UHRF1: variants seen among roughly 807,000 people sequenced by gnomAD.
UHRF1 encodes the protein E3 ubiquitin-protein ligase UHRF1.
In UHRF1, 9 loss-of-function variants were observed where a neutral mutation model predicts 96.5. That is an observed-to-expected ratio of 0.09 (90% CI 0.06 to 0.16). The LOEUF (loss-of-function observed/expected upper bound fraction) is 0.16, where lower values mean the gene tolerates loss of function less well. UHRF1 is among the 10% of genes least tolerant of loss of function. The probability of loss-of-function intolerance (pLI) is 1.00; values close to 1 mark genes in which losing one functional copy is unlikely to be tolerated. For missense variants in UHRF1, 626 were observed against 1,131.1 expected, an observed-to-expected ratio of 0.55 and a Z score of 6.40; for synonymous variants, 455 against 469.9, an observed-to-expected ratio of 0.97 and a Z score of 0.41.
chr19:4,935,119 G>C (rs925475327), intron 5 of UHRF1, among the ~76,000 whole-genome samples: 2 of 151,914 alleles, frequency 1.3e-5, no homozygotes, highest in African/African-American at 4.8e-5. Flanking sequence ...GACTATAGGT[G>C]CCCACCACCA....
chr19:4,954,999 A>G lies in UHRF1; in HGVS notation c.2130+177A>G, dbSNP rs1164451086. The stretch of plus-strand genomic sequence containing the variant: ...CTCCAGAACTTTATCCTCTCCCCAG[A>G]CTGAAACCCTGGCCCTGAAACTGTC... On this transcript the variant is annotated intron_variant, in intron 15 of 16. Coordinates refer to ENST00000650932, the MANE Select transcript of UHRF1 (RefSeq NM_001048201.3). This position sits in a 1 kb window ranked among gnomAD's most constrained non-coding sequence, Gnocchi z 5.9. Among the ~76,000 whole-genome samples the G allele has an allele frequency of 1.3e-5, 2 of 151,848 alleles. No homozygotes were observed. Among genetic ancestry groups the G allele is most frequent in the Non-Finnish European group, 1.5e-5 (1 of 67,950 alleles).
In UHRF1 at chr19:4,936,820, T is replaced by C. The variant is rs554100052; in HGVS notation, c.785+3864T>C. 3.9e-3 allele frequency among the ~76,000 whole-genome samples: 571 copies of C among 145,066 alleles called. 5 individuals carry two copies. The highest frequency in any genetic ancestry group is 0.013 in the African/African-American group (494 of 39,036). On this transcript the variant is annotated intron_variant, in intron 5 of 16. Coordinates refer to ENST00000650932, the MANE Select transcript of UHRF1 (RefSeq NM_001048201.3). Reference sequence around the variant, plus strand: ...AGAGTCTGCAAAAAAAAAAAAAAAGTGAAAAGAAAAAAAAACAGGCTGTGT... The same window carrying C: ...AGAGTCTGCAAAAAAAAAAAAAAAGCGAAAAGAAAAAAAAACAGGCTGTGT...
chr19:4,953,072 C>T (rs2033760901), intron 13 of UHRF1, among the ~76,000 whole-genome samples: 1 of 152,150 alleles, frequency 6.6e-6, no homozygotes, highest in Non-Finnish European at 1.5e-5. Flanking sequence ...TGATGCTGAA[C>T]ACGTCACCCG....
rs576532745 is a variant in UHRF1, at chr19:4,932,891, C to T, written c.720C>T (p.Asp240=). ...DNPKERGFWY[D]AEISRKRETR... Reference sequence around the variant, plus strand: ...CCAAGGAGCGGGGCTTCTGGTACGACGCGGAGATCTCCAGGAAGCGCGAGA... The same window carrying T: ...CCAAGGAGCGGGGCTTCTGGTACGATGCGGAGATCTCCAGGAAGCGCGAGA... The change falls in exon 5 of 17, where the codon GAC becomes GAT. Residue 240 remains aspartate, a synonymous_variant. Coordinates refer to ENST00000650932, the MANE Select transcript of UHRF1 (RefSeq NM_001048201.3). The T allele has an allele frequency of 8.1e-5, 131 of 1,613,818 alleles. No individual in the cohort carries two copies. The highest frequency in any genetic ancestry group is 1.0e-4 in the Non-Finnish European group (120 of 1,179,886).
chr19:4,916,486 T>C (rs2032506254), intron 2 of UHRF1, among the ~76,000 whole-genome samples: 1 of 151,998 alleles, frequency 6.6e-6, no homozygotes, highest in Admixed American at 6.5e-5. Flanking sequence ...GATCGTGGTG[T>C]CTTTGTGGCG....
intron 2 of UHRF1, among the ~76,000 whole-genome samples, chr19:4,921,673 C>CT (rs1306938382): frequency 6.6e-6 from 1 of 152,058 alleles, no homozygotes; most frequent in Non-Finnish European, 1.5e-5. Flanking sequence ...GGGAGGGTTG[C>CT]TTGAGCCCAG....
chr19:4,933,045 C>A, intron 5 of UHRF1, 89 bp downstream of exon 5: 1 of 1,407,052 alleles, frequency 7.1e-7, no homozygotes, highest in Non-Finnish European at 9.6e-7. Context: ...GTCCAGCCAG[C>A]GCTGTGTGTG....
intron 4 of UHRF1, among the ~76,000 whole-genome samples, 189 bp downstream of exon 4, chr19:4,931,065 GC>G (rs1037048241): frequency 1.3e-5 from 2 of 152,172 alleles, no homozygotes; most frequent in African/African-American, 4.8e-5. Context: ...GAAGCCGGCT[GC>G]CCCCTCCTGT....
upstream of UHRF1, among the ~76,000 whole-genome samples, chr19:4,906,403 A>G (rs35992600): frequency 0.1 from 15,781 of 152,182 alleles, 952 homozygotes; most frequent in Middle Eastern, 0.18. Flanking sequence ...CCTCTGTGAC[A>G]CTTAACTTCC....
intron 2 of UHRF1, among the ~76,000 whole-genome samples, chr19:4,928,441 A>G (rs2032941032): frequency 6.6e-6 from 1 of 152,110 alleles, no homozygotes; most frequent in South Asian, 2.1e-4. Context: ...CCCCAGATAC[A>G]GCTCAGGTGA....
At chr19:4,906,823 C>T (rs987320471), upstream of UHRF1, among the ~76,000 whole-genome samples, 5 of 152,148 alleles carry the variant, frequency 3.3e-5, no homozygotes, top group African/African-American at 7.2e-5. Context: ...TTCGCAACAG[C>T]GCTACAAACA....
intron 2 of UHRF1, among the ~76,000 whole-genome samples, chr19:4,921,227 G>T (rs1025082373): frequency 3.9e-5 from 6 of 152,082 alleles, no homozygotes; most frequent in Non-Finnish European, 5.9e-5. Flanking sequence ...ATCAACTGAG[G>T]TGGGGATTTC....
chr19:4,904,582 G>A (rs1349128561), upstream of UHRF1, among the ~76,000 whole-genome samples: 1 of 152,204 alleles, frequency 6.6e-6, no homozygotes, highest in Non-Finnish European at 1.5e-5. Flanking sequence ...CTCCCAAAGT[G>A]CTGGGATTAC....
intron 2 of UHRF1, among the ~76,000 whole-genome samples, chr19:4,914,961 C>T (rs184512214): frequency 2.1e-3 from 318 of 152,312 alleles, no homozygotes; most frequent in African/African-American, 7.1e-3. Flanking sequence ...TGTTTGGGGC[C>T]AGGTCATCCT....
intron 11 of UHRF1, among the ~76,000 whole-genome samples, chr19:4,948,553 C>G (rs1050948055): frequency 2.0e-5 from 3 of 152,070 alleles, no homozygotes; most frequent in African/African-American, 7.2e-5. Flanking sequence ...AATCCCAGCA[C>G]TTTGAGAGGC....
upstream of UHRF1, among the ~76,000 whole-genome samples, chr19:4,908,884 G>A (rs563275467): frequency 5.3e-5 from 8 of 152,266 alleles, no homozygotes; most frequent in East Asian, 9.7e-4. Flanking sequence ...TCCTGTGCCC[G>A]CCAGGACTGG....
At chr19:4,913,817 TTTTTTTTTTTTTG>T (rs1368433394) in intron 2 of UHRF1, among the ~76,000 whole-genome samples, 5 of 120,520 alleles carry the variant, frequency 4.1e-5, no homozygotes, top group Admixed American at 3.2e-4. Context: ...CTTTTTTTTT[TTTTTTTTTTTTTG>T]GAGACAGTTT....
At chr19:4,926,303 T>A (rs1350437273) in intron 2 of UHRF1, among the ~76,000 whole-genome samples, 1 of 152,132 alleles carries the variant, frequency 6.6e-6, no homozygotes, top group Non-Finnish European at 1.5e-5. Flanking sequence ...TTCCTCTCCA[T>A]CCGTGCCACC....
intron 2 of UHRF1, among the ~76,000 whole-genome samples, chr19:4,924,887 C>A (rs537022497): frequency 1.9e-4 from 28 of 147,640 alleles, no homozygotes; most frequent in African/African-American, 6.3e-4. Flanking sequence ...AATGTAGTGG[C>A]GTGATCTCGG....
Sources: allele counts gnomAD v4.1 joint callset (sites outside exome capture counted in the v4.1 genomes callset), GRCh38; gene constraint gnomAD v4.1.1; non-coding constraint Gnocchi (gnomAD v3.1); transcripts MANE v1.5; gene names NCBI Gene and HGNC (gene_info 2026-07-23, HGNC 2026-07-21).